Variants in SKAP1 observed in about 807,000 individuals in gnomAD.
SKAP1 encodes the protein src kinase associated phosphoprotein 1.
A neutral mutation model predicts 58.5 loss-of-function variants in SKAP1; 44 were observed. That is an observed-to-expected ratio of 0.75 (90% CI 0.59 to 0.97). The LOEUF (loss-of-function observed/expected upper bound fraction) is 0.97, where lower values mean the gene tolerates loss of function less well. SKAP1 is among the 50% of genes least tolerant of loss of function. The pLI, the probability that SKAP1 is intolerant of heterozygous loss-of-function variation, is 0.00. For synonymous variants in SKAP1, 127 were observed against 149.7 expected, an observed-to-expected ratio of 0.85 and a Z score of 1.11; for missense variants, 390 against 435.2, an observed-to-expected ratio of 0.90 and a Z score of 0.92.
At chr17:48,379,773 C>CCG (rs1321278052) in intron 2 of SKAP1, among the ~76,000 whole-genome samples, 2 of 151,592 alleles carry the variant, frequency 1.3e-5, no homozygotes, top group Non-Finnish European at 2.9e-5. Context: ...CCTCTGCCTC[C>CCG]CGGGTTCAAG....
intron 4 of SKAP1, among the ~76,000 whole-genome samples, chr17:48,326,290 T>C (rs772370838): frequency 2.0e-5 from 3 of 152,236 alleles, no homozygotes; most frequent in Non-Finnish European, 2.9e-5. Context: ...TTAAAACTTC[T>C]GTCAAAATCT....
At chr17:48,228,708 G>T (rs1176080806) in intron 4 of SKAP1, among the ~76,000 whole-genome samples, 2 of 152,190 alleles carry the variant, frequency 1.3e-5, no homozygotes, top group East Asian at 1.9e-4. Context: ...GAAACTGAGG[G>T]ATACAGAGTT....
chr17:48,344,223 G>A (rs1427507990), intron 4 of SKAP1: 2 of 468,652 alleles, frequency 4.3e-6, no homozygotes, highest in African/African-American at 2.1e-5. Context: ...TATAGATTTT[G>A]TTTTCTATAT....
intron 2 of SKAP1, among the ~76,000 whole-genome samples, chr17:48,371,135 G>T (rs115691907): frequency 7.2e-5 from 11 of 152,244 alleles, no homozygotes; most frequent in African/African-American, 2.6e-4. Flanking sequence ...ATAGAGATGG[G>T]GAAAGAGAAA....
intron 2 of SKAP1, among the ~76,000 whole-genome samples, chr17:48,366,849 T>G (rs1000726476): frequency 6.6e-6 from 1 of 152,168 alleles, no homozygotes; most frequent in African/African-American, 2.4e-5. Context: ...TACATGTATG[T>G]GCACATGTGT....
At chr17:48,197,257 CAA>C (rs35979686) in intron 4 of SKAP1, among the ~76,000 whole-genome samples, 12,735 of 97,088 alleles carry the variant, frequency 0.13, 496 homozygotes, top group East Asian at 0.2. Flanking sequence ...GACTCCGACT[CAA>C]AAAAAAAAAA....
At chr17:48,278,803 G>A (rs984575867) in intron 4 of SKAP1, among the ~76,000 whole-genome samples, 3 of 152,080 alleles carry the variant, frequency 2.0e-5, no homozygotes, top group Non-Finnish European at 4.4e-5. Context: ...CAGATTTTAG[G>A]GGGGAGAAAA....
chr17:48,361,960 C>T (rs1013322890), intron 3 of SKAP1, among the ~76,000 whole-genome samples: 19 of 152,164 alleles, frequency 1.2e-4, no homozygotes, highest in African/African-American at 3.9e-4. Flanking sequence ...AAAAGATACC[C>T]TCTCACTAAC....
At chr17:48,352,863 C>T (rs1385635963) in intron 3 of SKAP1, among the ~76,000 whole-genome samples, 2 of 152,138 alleles carry the variant, frequency 1.3e-5, no homozygotes, top group Non-Finnish European at 2.9e-5. Context: ...TGTTCTAATC[C>T]ACTGAACTAT....
intron 4 of SKAP1, among the ~76,000 whole-genome samples, chr17:48,260,961 C>T (rs2065478076): frequency 6.6e-6 from 1 of 152,140 alleles, no homozygotes; most frequent in African/African-American, 2.4e-5. Context: ...TAAGATTCAC[C>T]TCAAAATCCA....
Position 48,345,417 on chromosome 17 carries a change from C to T in SKAP1, c.280+488G>A, listed in dbSNP as rs181954582. ...GGCTTTCCCTTCCCCTTGAGCAATA[C>T]CAATATGGTCAGGGGTATGTGAGAA... On this transcript the variant is annotated intron_variant, in intron 4 of 12. Coordinates refer to ENST00000336915, the MANE Select transcript of SKAP1 (RefSeq NM_003726.4). 2.8e-3 allele frequency among the ~76,000 whole-genome samples: 420 copies of T among 152,202 alleles called. 3 individuals are homozygous for T. In the Middle Eastern group the frequency reaches 0.031, roughly 11 times the overall value.
chr17:48,338,016 C>T (rs1485097802), intron 4 of SKAP1, among the ~76,000 whole-genome samples: 1 of 149,364 alleles, frequency 6.7e-6, no homozygotes. Flanking sequence ...TTCCTTCTTT[C>T]TTCACTTAGT....
At chr17:48,373,869 A>G (rs551604648) in intron 2 of SKAP1, among the ~76,000 whole-genome samples, 1 of 152,326 alleles carries the variant, frequency 6.6e-6, no homozygotes, top group African/African-American at 2.4e-5. Context: ...TTATAACTCT[A>G]GAACATCTAG....
intron 4 of SKAP1, among the ~76,000 whole-genome samples, chr17:48,203,298 T>G (rs2064752581): frequency 6.6e-6 from 1 of 152,208 alleles, no homozygotes; most frequent in Non-Finnish European, 1.5e-5. Context: ...CCATTTATTG[T>G]TAGGTGGACT....
chr17:48,418,913 A>G (rs2067762954), intron 1 of SKAP1, among the ~76,000 whole-genome samples: 1 of 152,200 alleles, frequency 6.6e-6, no homozygotes, highest in Admixed American at 6.5e-5. Flanking sequence ...TGGAAAGGAA[A>G]CTTTCTAGGG....
At chr17:48,190,268 G>A (rs916269669) in intron 4 of SKAP1, among the ~76,000 whole-genome samples, 6 of 151,746 alleles carry the variant, frequency 4.0e-5, no homozygotes, top group African/African-American at 9.7e-5. Flanking sequence ...CACCACGCCC[G>A]GCTAATTTTT....
At chr17:48,425,088 T>C (rs963760480) in intron 1 of SKAP1, among the ~76,000 whole-genome samples, 5 of 151,816 alleles carry the variant, frequency 3.3e-5, no homozygotes, top group African/African-American at 1.2e-4. Flanking sequence ...TGAAACCCTG[T>C]CTCTACTAAA....
chr17:48,182,990 G>A (rs988450034), intron 7 of SKAP1, among the ~76,000 whole-genome samples: 1 of 152,208 alleles, frequency 6.6e-6, no homozygotes, highest in African/African-American at 2.4e-5. Context: ...GAACAGGAAT[G>A]AGAACATGAC....
chr17:48,158,035 G>T (rs1467206477), intron 11 of SKAP1, among the ~76,000 whole-genome samples: 2 of 151,406 alleles, frequency 1.3e-5, no homozygotes, highest in African/African-American at 4.9e-5. Context: ...AAATTAGCTG[G>T]GCATGGGGGT....
Sources: gnomAD v4.1 joint callset for allele counts (sites outside exome capture counted in the v4.1 genomes callset) on GRCh38, gnomAD v4.1.1 for gene constraint, MANE v1.5 for transcripts, NCBI Gene and HGNC (gene_info 2026-07-23, HGNC 2026-07-21) for gene names.